PLA2G4E: variants seen among roughly 807,000 people sequenced by gnomAD.
PLA2G4E encodes the protein phospholipase A2 group IVE.
Under a neutral mutation model 109.1 loss-of-function variants are expected in PLA2G4E, and 84 were observed. The ratio of observed to expected loss-of-function variants is 0.77; its 90% confidence interval spans 0.65 to 0.92. PLA2G4E has a LOEUF of 0.92. Among genes scored for constraint, PLA2G4E ranks in the 40% least tolerant of loss-of-function variants. The probability of loss-of-function intolerance (pLI) is 0.00; values close to 1 mark genes in which losing one functional copy is unlikely to be tolerated. For missense variants in PLA2G4E, 1,057 were observed against 1,076.6 expected, an observed-to-expected ratio of 0.98 and a Z score of 0.25; for synonymous variants, 469 against 436.1, an observed-to-expected ratio of 1.08 and a Z score of -0.94.
At chr15:42,032,963 G>A (rs1326938653) in intron 1 of PLA2G4E, among the ~76,000 whole-genome samples, 1 of 152,198 alleles carries the variant, frequency 6.6e-6, no homozygotes, top group Non-Finnish European at 1.5e-5. Flanking sequence ...GCATGTGTGT[G>A]TGAGTGTGTG....
chr15:42,007,078 C>T (rs2068484427), intron 3 of PLA2G4E, among the ~76,000 whole-genome samples: 1 of 152,200 alleles, frequency 6.6e-6, no homozygotes, highest in Non-Finnish European at 1.5e-5. Context: ...ATCCCTAAAA[C>T]ATGGAGGCAG....
chr15:42,034,810 G>A (rs1391334318), intron 1 of PLA2G4E, among the ~76,000 whole-genome samples: 1 of 152,242 alleles, frequency 6.6e-6, no homozygotes, highest in Non-Finnish European at 1.5e-5. Context: ...ACATGATCTG[G>A]ACTGCTAGAT....
intron 1 of PLA2G4E, among the ~76,000 whole-genome samples, chr15:42,041,856 A>G (rs749257917): frequency 3.9e-5 from 6 of 152,220 alleles, no homozygotes; most frequent in Non-Finnish European, 8.8e-5. Flanking sequence ...TGCTCCTGAC[A>G]GGGCAGATGC....
At chr15:42,009,418 A>G (rs763781350) in intron 2 of PLA2G4E, among the ~76,000 whole-genome samples, 1 of 152,136 alleles carries the variant, frequency 6.6e-6, no homozygotes, top group African/African-American at 2.4e-5. Context: ...TAGGCTTCCC[A>G]TCTCCTGTCT....
chr15:42,021,224 G>A (rs1350455957), intron 1 of PLA2G4E, among the ~76,000 whole-genome samples, 182 bp from the exon 1 acceptor site: 1 of 151,658 alleles, frequency 6.6e-6, no homozygotes, highest in African/African-American at 2.4e-5. Context: ...GAAATACAGG[G>A]ACCCGCAGGG....
chr15:42,046,594 C>G (rs1889420695), intron 1 of PLA2G4E, among the ~76,000 whole-genome samples: 1 of 152,168 alleles, frequency 6.6e-6, no homozygotes, highest in Non-Finnish European at 1.5e-5. Flanking sequence ...CCTAATAGCA[C>G]CAATATCAGA....
chr15:42,006,887 C>T (rs1358729304), intron 3 of PLA2G4E, among the ~76,000 whole-genome samples: 1 of 152,178 alleles, frequency 6.6e-6, no homozygotes, highest in Non-Finnish European at 1.5e-5. Flanking sequence ...GTCCCAGAAC[C>T]AACCCAGCAG....
intron 2 of PLA2G4E, 103 bp from the exon 3 acceptor site, chr15:42,007,968 GC>G: frequency 7.8e-7 from 1 of 1,279,344 alleles, no homozygotes; most frequent in East Asian, 2.5e-5. Flanking sequence ...CCCCATCTCA[GC>G]TCCAGTTCCT....
At chr15:42,004,883 A>C (rs1239263956) in intron 5 of PLA2G4E, 55 bp downstream of exon 5, 5 of 1,598,178 alleles carry the variant, frequency 3.1e-6, no homozygotes, top group Non-Finnish European at 3.4e-6. Context: ...GCTCGTTCCC[A>C]GAAGCTACTT....
intron 1 of PLA2G4E, among the ~76,000 whole-genome samples, chr15:42,023,529 G>C (rs1010105843): frequency 2.0e-5 from 3 of 152,062 alleles, no homozygotes; most frequent in Admixed American, 6.6e-5. Flanking sequence ...TGGGATAGGG[G>C]AAGTAGGGTG....
At chr15:42,030,378 C>G (rs1317340981) in intron 1 of PLA2G4E, among the ~76,000 whole-genome samples, 1 of 152,176 alleles carries the variant, frequency 6.6e-6, no homozygotes, top group Non-Finnish European at 1.5e-5. Flanking sequence ...CAAAACGCCC[C>G]AGATCAATGC....
At chr15:41,995,788 C>T (rs1184274945) in intron 11 of PLA2G4E, among the ~76,000 whole-genome samples, 1 of 152,230 alleles carries the variant, frequency 6.6e-6, no homozygotes, top group African/African-American at 2.4e-5. Context: ...CACTGTTAGT[C>T]TAGCCCTCGG....
chr15:42,023,690 CAGAT>C (rs1201478743), intron 1 of PLA2G4E, among the ~76,000 whole-genome samples: 1 of 147,822 alleles, frequency 6.8e-6, no homozygotes, highest in African/African-American at 2.5e-5. Flanking sequence ...CCTTCCCAAT[CAGAT>C]AGGCCAGGTT....
Position 41,984,563 on chromosome 15 carries a change from G to C in PLA2G4E, c.2259C>G (p.Tyr753Ter). ...GATTTTCATTCTCATCTGGCAGCTCGTATTTGGGGAAGGGGATGTTCTGCA... is the reference window on the plus strand; with the variant it reads ...GATTTTCATTCTCATCTGGCAGCTCCTATTTGGGGAAGGGGATGTTCTGCA... The change falls in exon 19 of 20, where the codon TAC becomes TAG. Residue 753 changes from tyrosine to a stop codon, truncating the protein, a stop_gained. Transcript: ENST00000399518. LOFTEE classifies it high-confidence loss of function. 4 of 1,613,922 alleles carry C rather than the reference G, an allele frequency of 2.5e-6. No individual in the cohort carries two copies. The highest frequency in any genetic ancestry group is 1.1e-5 in the South Asian group (1 of 91,080).
At chr15:41,991,481 T>C (rs912358813) in intron 13 of PLA2G4E, among the ~76,000 whole-genome samples, 1 of 139,368 alleles carries the variant, frequency 7.2e-6, no homozygotes. Context: ...CTCTGCTTCA[T>C]AGGGAGGACA....
chr15:41,989,533 G>C, exon 15 of PLA2G4E: 1 of 1,613,680 alleles, frequency 6.2e-7, no homozygotes, highest in Non-Finnish European at 8.5e-7. Context: ...CCACCTCGTA[G>C]GGGGAGAACT....
intron 1 of PLA2G4E, among the ~76,000 whole-genome samples, chr15:42,038,256 G>A (rs1258042336): frequency 3.9e-5 from 6 of 152,210 alleles, no homozygotes; most frequent in Admixed American, 3.9e-4. Flanking sequence ...GACTGGTTTT[G>A]TAGAAGACAA....
At chr15:42,006,182 C>A in intron 3 of PLA2G4E, 61 bp from the exon 4 acceptor site, 2 of 1,598,926 alleles carry the variant, frequency 1.3e-6, no homozygotes, top group Non-Finnish European at 8.5e-7. Flanking sequence ...CTTCCCAGAA[C>A]AAGGGGCTTG....
intron 5 of PLA2G4E, among the ~76,000 whole-genome samples, chr15:42,003,836 C>T (rs1293443934): frequency 6.6e-6 from 1 of 152,226 alleles, no homozygotes; most frequent in Non-Finnish European, 1.5e-5. Context: ...TTACAGGGCA[C>T]TCTGCCCGGC....
Sources: allele counts gnomAD v4.1 joint callset (sites outside exome capture counted in the v4.1 genomes callset), GRCh38; gene constraint gnomAD v4.1.1; transcripts MANE v1.5; gene names NCBI Gene and HGNC (gene_info 2026-07-23, HGNC 2026-07-21).